The following AOPEP variants were observed in gnomAD, a reference collection of about 807,000 sequenced individuals.
AOPEP encodes the protein aminopeptidase O (putative).
Under a neutral mutation model 98.1 loss-of-function variants are expected in AOPEP, and 77 were observed. That is an observed-to-expected ratio of 0.78 (90% CI 0.65 to 0.95). The LOEUF (loss-of-function observed/expected upper bound fraction) is 0.95. Ranked by LOEUF, AOPEP falls within the 40% of genes least tolerant of loss-of-function variation. The probability of loss-of-function intolerance (pLI) is 0.00; values close to 1 mark genes in which losing one functional copy is unlikely to be tolerated. For synonymous variants in AOPEP, 346 were observed against 365.3 expected (o/e 0.95, Z 0.60); for missense variants, 1,024 against 1,024.7 (o/e 1.00, Z 0.01).
At chr9:94,751,865 T>C (rs1835864593) in intron 1 of AOPEP, among the ~76,000 whole-genome samples, 1 of 151,230 alleles carries the variant, frequency 6.6e-6, no homozygotes, top group African/African-American at 2.4e-5. Context: ...TCATTCAGAC[T>C]GTGAACAGAG....
chr9:95,148,350 T>A, the AOPEP span, among the ~76,000 whole-genome samples: 1 of 152,238 alleles, frequency 6.6e-6, no homozygotes, highest in Non-Finnish European at 1.5e-5. Flanking sequence ...GACCACTTTT[T>A]GTCATGGAAA....
intron 5 of AOPEP, among the ~76,000 whole-genome samples, chr9:94,826,670 T>C (rs1342370804): frequency 6.6e-6 from 1 of 152,190 alleles, no homozygotes; most frequent in African/African-American, 2.4e-5. Flanking sequence ...TTCTAGCAGC[T>C]AGGGTCTTGA....
chr9:95,049,803 A>G (rs978543583), intron 13 of AOPEP, among the ~76,000 whole-genome samples: 1 of 152,254 alleles, frequency 6.6e-6, no homozygotes, highest in Non-Finnish European at 1.5e-5. Flanking sequence ...AACGCCTATG[A>G]AAAGACCTAC....
At chr9:94,741,032 CAGG>C (rs1832945819) in intron 1 of AOPEP, among the ~76,000 whole-genome samples, 1 of 151,780 alleles carries the variant, frequency 6.6e-6, no homozygotes, top group Non-Finnish European at 1.5e-5. Context: ...GGGGAGGTGG[CAGG>C]AGGAGAGAGA....
chr9:95,024,408 G>A (rs577145763), intron 13 of AOPEP, among the ~76,000 whole-genome samples: 1 of 152,324 alleles, frequency 6.6e-6, no homozygotes, highest in African/African-American at 2.4e-5. Flanking sequence ...GAGGCCTCGG[G>A]AGCATTCTCA....
At chr9:94,900,488 A>C (rs2050245002) in intron 5 of AOPEP, 1 of 152,128 alleles carries the variant, frequency 6.6e-6, no homozygotes, top group African/African-American at 2.4e-5. Flanking sequence ...CACCATCTTT[A>C]GCCTTCTGGG....
At chr9:94,901,252 G>A (rs1304327328) in intron 5 of AOPEP, among the ~76,000 whole-genome samples, 1 of 152,148 alleles carries the variant, frequency 6.6e-6, no homozygotes, top group Non-Finnish European at 1.5e-5. Flanking sequence ...TGGCCAAAAA[G>A]TATAGAGTAT....
At chr9:95,132,451 C>T in the AOPEP span, among the ~76,000 whole-genome samples, 1 of 152,204 alleles carries the variant, frequency 6.6e-6, no homozygotes, top group African/African-American at 2.4e-5. Context: ...AGGTCTGAAG[C>T]TATGGATTAT....
chr9:94,741,319 C>T (rs576357470), intron 1 of AOPEP, among the ~76,000 whole-genome samples: 5 of 151,972 alleles, frequency 3.3e-5, no homozygotes, highest in African/African-American at 7.2e-5. Context: ...GTCGCCCAGG[C>T]TGGAGTGCAG....
chr9:95,070,707 G>C (rs772418870), intron 14 of AOPEP, among the ~76,000 whole-genome samples: 12 of 152,250 alleles, frequency 7.9e-5, no homozygotes, highest in Non-Finnish European at 1.6e-4. Flanking sequence ...TCAGACTAGC[G>C]GAGAAGGACA....
the AOPEP span, among the ~76,000 whole-genome samples, chr9:95,095,289 C>T: frequency 1.2e-4 from 18 of 152,194 alleles, no homozygotes; most frequent in African/African-American, 4.1e-4. Flanking sequence ...CTGTTCCGCA[C>T]TCTGTCATCA....
At chr9:94,970,469 T>C (rs1457161679) in intron 10 of AOPEP, among the ~76,000 whole-genome samples, 1 of 152,174 alleles carries the variant, frequency 6.6e-6, no homozygotes, top group Non-Finnish European at 1.5e-5. Flanking sequence ...TCATAAAGGA[T>C]TAACATACAC....
At chr9:95,003,165 T>TGTGTGTGTGCGC (rs1196387961) in intron 11 of AOPEP, among the ~76,000 whole-genome samples, 5 of 146,058 alleles carry the variant, frequency 3.4e-5, no homozygotes, top group African/African-American at 1.2e-4. Flanking sequence ...TGTGTGTGTG[T>TGTGTGTGTGCGC]GCGCGCGCGC....
intron 7 of AOPEP, among the ~76,000 whole-genome samples, chr9:94,953,618 A>G (rs927060088): frequency 6.6e-6 from 1 of 152,200 alleles, no homozygotes; most frequent in South Asian, 2.1e-4. Flanking sequence ...AATGAAGGTT[A>G]GTAAGTAACA....
At chr9:94,735,782 C>T (rs1198727428) in intron 1 of AOPEP, among the ~76,000 whole-genome samples, 1 of 152,052 alleles carries the variant, frequency 6.6e-6, no homozygotes, top group African/African-American at 2.4e-5. Context: ...AGGATATTTC[C>T]ATCATTCCTC....
the AOPEP span, among the ~76,000 whole-genome samples, chr9:95,141,870 G>C: frequency 6.6e-6 from 1 of 151,828 alleles, no homozygotes; most frequent in Non-Finnish European, 1.5e-5. Context: ...TTTTAGTTCA[G>C]TGATTGTTAG....
chr9:94,861,206 T>C (rs1388517212), intron 5 of AOPEP, among the ~76,000 whole-genome samples: 1 of 152,148 alleles, frequency 6.6e-6, no homozygotes, highest in Non-Finnish European at 1.5e-5. Context: ...GGAGGCTTCA[T>C]GACGAAGGGG....
chr9:95,071,920 A>G (rs1284377025), intron 14 of AOPEP, among the ~76,000 whole-genome samples: 1 of 152,218 alleles, frequency 6.6e-6, no homozygotes. Flanking sequence ...AGAGGGAAGA[A>G]TAAGGCCCAG....
intron 5 of AOPEP, among the ~76,000 whole-genome samples, chr9:94,885,949 G>A (rs1031876497): frequency 3.3e-5 from 5 of 152,150 alleles, no homozygotes; most frequent in African/African-American, 1.2e-4. Context: ...AGTGCCAGAA[G>A]ATCGCAGAGT....
Sources: allele counts gnomAD v4.1 joint callset (sites outside exome capture counted in the v4.1 genomes callset), GRCh38; gene constraint gnomAD v4.1.1; transcripts MANE v1.5; gene names NCBI Gene and HGNC (gene_info 2026-07-23, HGNC 2026-07-21).